PLCH2: variants seen among roughly 807,000 people sequenced by gnomAD.
PLCH2 encodes 1-phosphatidylinositol 4,5-bisphosphate phosphodiesterase eta-2.
PLCH2 carries 98 observed loss-of-function variants against 134.7 expected under a neutral mutation model. The ratio of observed to expected loss-of-function variants is 0.73; its 90% CI spans 0.62 to 0.86. The LOEUF is 0.86. Among genes scored for constraint, PLCH2 ranks in the 40% least tolerant of loss-of-function variants. The pLI, the probability that PLCH2 is intolerant of heterozygous loss-of-function variation, is 0.00. For synonymous variants in PLCH2, 974 were observed against 827.5 expected (o/e 1.18, Z -3.04); for missense variants, 1,994 against 1,986.6 (o/e 1.00, Z -0.07).
chr1:2,435,373 C>A (rs1418972489), intron 2 of PLCH2, among the ~76,000 whole-genome samples: 1 of 152,122 alleles, frequency 6.6e-6, no homozygotes, highest in African/African-American at 2.4e-5. Flanking sequence ...GCCCAGGGGT[C>A]CCCGGGCTCT....
intron 2 of PLCH2, among the ~76,000 whole-genome samples, chr1:2,435,472 TGG>T (rs1639285719): frequency 4.6e-5 from 7 of 151,824 alleles, no homozygotes; most frequent in African/African-American, 1.7e-4. Flanking sequence ...GGCTGGAGGC[TGG>T]AGGCTGGAGG....
chr1:2,459,423 TG>T (rs1640668369), intron 2 of PLCH2, among the ~76,000 whole-genome samples: 2 of 76,890 alleles, frequency 2.6e-5, no homozygotes, highest in East Asian at 3.0e-4. Context: ...TGGTCCTCCT[TG>T]CCGGTGGTCC....
rs1642386912 is a variant in PLCH2, at chr1:2,488,297, G to A, written c.1235+579G>A. ...GCTGGCCCCATCCCTGGGACTGTAG[G>A]TGGGAAGGGCATTGCAAGGCACAGG... On this transcript the variant is annotated intron_variant, in intron 8 of 21. Coordinates refer to ENST00000378486, the MANE Select transcript of PLCH2 (RefSeq NM_014638.4). Among the ~76,000 whole-genome samples the A allele has an allele frequency of 1.3e-5, 2 of 152,228 alleles. 1 individual carries two copies. The highest frequency in any genetic ancestry group is 1.3e-4 in the Admixed American group (2 of 15,290).
intron 2 of PLCH2, among the ~76,000 whole-genome samples, chr1:2,447,082 C>T (rs780268479): frequency 1.6e-4 from 25 of 152,152 alleles, no homozygotes; most frequent in Non-Finnish European, 3.2e-4. Flanking sequence ...CTTTGGGTGT[C>T]GATTCCGGGG....
At position 2,504,829 on chromosome 1, in the gene PLCH2, G is replaced by A. The variant is rs1318676727; in HGVS notation, c.3867G>A (p.Val1289=). The change falls in exon 22 of 22, where the codon GTG becomes GTA. Residue 1289 remains valine, a synonymous_variant. Transcript: ENST00000378486. ...GCCTCCCGGGAGGGACACGGCGGGT[G>A]TCGGGGCCAGGGGTGAGACGGGACA... ...SLGLPGGTRR[V]SGPGVRRDTL... is the part of the protein sequence containing the mutation. 1.2e-6 allele frequency: 2 copies of A among 1,608,594 alleles called. No individual in the cohort carries two copies. The highest frequency in any genetic ancestry group is 1.1e-5 in the South Asian group (1 of 90,766).
intron 2 of PLCH2, among the ~76,000 whole-genome samples, chr1:2,454,153 C>T (rs563738513): frequency 1.2e-4 from 18 of 152,320 alleles, no homozygotes; most frequent in Non-Finnish European, 1.5e-4. Context: ...TTGGCCTCCC[C>T]GGGGCATGTC....
chr1:2,497,970 G>A (rs940801328), intron 16 of PLCH2: 1 of 286,832 alleles, frequency 3.5e-6, no homozygotes, highest in African/African-American at 2.1e-5. Flanking sequence ...GGTCTGGGCT[G>A]GGTGTTTGGA....
chr1:2,481,588 C>A (rs1233625002), intron 4 of PLCH2, among the ~76,000 whole-genome samples: 1 of 152,250 alleles, frequency 6.6e-6, no homozygotes, highest in African/African-American at 2.4e-5. Context: ...TGCGTGGTTT[C>A]TGGGGCCTGA....
chr1:2,470,558 C>T (rs1260881548), intron 1 of PLCH2, among the ~76,000 whole-genome samples: 1 of 151,960 alleles, frequency 6.6e-6, no homozygotes, highest in Non-Finnish European at 1.5e-5. Flanking sequence ...GGAAGAGCAG[C>T]CCCGTGCCGG....
intron 11 of PLCH2, among the ~76,000 whole-genome samples, chr1:2,492,939 T>C (rs2100703112): frequency 6.6e-6 from 1 of 152,216 alleles, no homozygotes; most frequent in South Asian, 2.1e-4. Flanking sequence ...CCCAGAAAGC[T>C]GAGCACAACC....
chr1:2,420,283 G>A, the PLCH2 span, among the ~76,000 whole-genome samples: 1 of 152,250 alleles, frequency 6.6e-6, no homozygotes, highest in African/African-American at 2.4e-5. Context: ...TCCTCCCGCT[G>A]CTCGATTCCA....
intron 4 of PLCH2, among the ~76,000 whole-genome samples, chr1:2,483,782 C>T (rs1188294960): frequency 1.4e-5 from 2 of 144,636 alleles, no homozygotes; most frequent in Admixed American, 1.4e-4. Context: ...CGCTGACCCC[C>T]GTTTGGGGGG....
upstream of PLCH2, among the ~76,000 whole-genome samples, chr1:2,475,799 C>T (rs996756664): frequency 6.6e-6 from 1 of 152,210 alleles, no homozygotes; most frequent in African/African-American, 2.4e-5. Context: ...ACATCCTGGG[C>T]CTGGGCTGGG....
chr1:2,487,926 A>G (rs1390633289), intron 8 of PLCH2, among the ~76,000 whole-genome samples: 2 of 152,172 alleles, frequency 1.3e-5, no homozygotes, highest in African/African-American at 4.8e-5. Context: ...GCTTCACAGG[A>G]GCAGCTCGTC....
chr1:2,429,933 A>G (rs966305452), intron 1 of PLCH2, among the ~76,000 whole-genome samples: 3 of 152,134 alleles, frequency 2.0e-5, no homozygotes, highest in African/African-American at 7.2e-5. Context: ...CTCCTGGGAG[A>G]CTGGCTGGTT....
upstream of PLCH2, among the ~76,000 whole-genome samples, chr1:2,464,865 C>T (rs368201173): frequency 3.3e-5 from 5 of 152,190 alleles, no homozygotes; most frequent in East Asian, 5.8e-4. Flanking sequence ...CAGGTGGCCT[C>T]GGGCTCACGG....
intron 16 of PLCH2, chr1:2,497,862 G>A (rs557788473): frequency 3.2e-5 from 15 of 471,142 alleles, no homozygotes; most frequent in African/African-American, 2.5e-4. Context: ...TGGGGAGCCT[G>A]GGCCCCACAT....
intron 20 of PLCH2, 154 bp from the exon 21 acceptor site, chr1:2,501,958 G>A (rs1027955976): frequency 9.3e-5 from 58 of 624,792 alleles, no homozygotes; most frequent in Middle Eastern, 4.1e-4. Flanking sequence ...AGGCCCTGGT[G>A]TGTCCACACA....
At chr1:2,450,776 C>T (rs1301737756) in intron 2 of PLCH2, among the ~76,000 whole-genome samples, 2 of 130,650 alleles carry the variant, frequency 1.5e-5, no homozygotes, top group African/African-American at 2.9e-5. Context: ...AGGTTCCAGA[C>T]CCTTGGACCA....
Sources: allele counts gnomAD v4.1 joint callset (sites outside exome capture counted in the v4.1 genomes callset), GRCh38; gene constraint gnomAD v4.1.1; transcripts MANE v1.5; gene names NCBI Gene and HGNC (gene_info 2026-07-23, HGNC 2026-07-21).